GRK3: variants seen among roughly 807,000 people sequenced by gnomAD.
GRK3 encodes the protein G protein-coupled receptor kinase 3.
GRK3 carries 54 observed loss-of-function variants against 95.7 expected under a neutral mutation model. That is an observed-to-expected ratio of 0.56 (90% confidence interval 0.45 to 0.71). The LOEUF (loss-of-function observed/expected upper bound fraction) is 0.71, where lower values mean the gene tolerates loss of function less well. GRK3 is among the 30% of genes least tolerant of loss of function. The pLI is 0.00. For missense variants in GRK3, 649 were observed against 851.2 expected (o/e 0.76, Z 2.96); for synonymous variants, 281 against 290.8 (o/e 0.97, Z 0.34).
rs573117585 is a variant in GRK3, at chr22:25,728,864, C to T, written c.*6414C>T. 10 of 152,264 alleles carry T rather than the reference C, an allele frequency of 6.6e-5. No homozygotes were observed. The South Asian group carries it at 1.5e-3, about 22-fold the overall frequency. The allele number at this position is 152,264 out of a possible 1,614,324, so 9.4% of individuals were successfully genotyped here. A position where few individuals can be genotyped will look rare whatever the true frequency, so the allele number is the denominator to read the frequency against. ...ATGAAGTCCTGTCTCTGTGAGAGAA[C>T]GTGCCTCCTCACTCATTTGTCTCTG... On this transcript the variant is annotated 3_prime_UTR_variant, in exon 21 of 21. Transcript: ENST00000324198.
chr22:25,571,204 G>A (rs938599638), intron 1 of GRK3, among the ~76,000 whole-genome samples: 1 of 152,130 alleles, frequency 6.6e-6, no homozygotes, highest in Non-Finnish European at 1.5e-5. Flanking sequence ...TCGTTTTCCT[G>A]TGCCATCCCT....
chr22:25,654,430 A>T (rs1303056378), intron 3 of GRK3, among the ~76,000 whole-genome samples: 2 of 152,192 alleles, frequency 1.3e-5, no homozygotes, highest in Non-Finnish European at 2.9e-5. Context: ...CATACACATG[A>T]AAACTTAGAA....
intron 2 of GRK3, among the ~76,000 whole-genome samples, chr22:25,610,452 A>T (rs2084488059): frequency 6.6e-6 from 1 of 152,202 alleles, no homozygotes; most frequent in African/African-American, 2.4e-5. Context: ...GGGCAAAAGA[A>T]CGAGACTCTG....
At position 25,565,127 on chromosome 22, in the gene GRK3, C is replaced by T; in HGVS notation, c.87C>T (p.Ser29=). The part of the protein sequence containing the change: ...KSKATPAARA[S]KRIVLPEPSI... The stretch of plus-strand genomic sequence containing the variant: ...AGGCGACCCCGGCCGCCCGCGCCAG[C>T]AAGAGGATCGTCCTGCCGGAGCCCA... The change falls in exon 1 of 21, where the codon AGC becomes AGT. Residue 29 remains serine, a synonymous_variant. Transcript: ENST00000324198. The T allele has an allele frequency of 1.3e-6, 2 of 1,548,072 alleles. No individual in the cohort carries two copies. The highest frequency in any genetic ancestry group is 1.7e-6 in the Non-Finnish European group (2 of 1,150,834).
At chr22:25,691,592 C>T (rs745625208) in intron 12 of GRK3, among the ~76,000 whole-genome samples, 23 of 152,206 alleles carry the variant, frequency 1.5e-4, no homozygotes, top group Non-Finnish European at 2.5e-4. Flanking sequence ...GTCGTATAAG[C>T]GTCTCTCAGG....
intron 1 of GRK3, among the ~76,000 whole-genome samples, chr22:25,583,525 C>A (rs890951028): frequency 2.6e-5 from 4 of 152,122 alleles, no homozygotes; most frequent in Non-Finnish European, 5.9e-5. Flanking sequence ...CTGGGGCACC[C>A]TGCAGTCACA....
intron 3 of GRK3, among the ~76,000 whole-genome samples, chr22:25,649,910 T>G (rs2084816249): frequency 6.6e-6 from 1 of 152,180 alleles, no homozygotes; most frequent in South Asian, 2.1e-4. Flanking sequence ...AAGAAATTTT[T>G]CACTTCAGTC....
At chr22:25,638,737 A>G (rs539101810) in intron 2 of GRK3, among the ~76,000 whole-genome samples, 1 of 152,158 alleles carries the variant, frequency 6.6e-6, no homozygotes, top group Non-Finnish European at 1.5e-5. Context: ...ACTCCAGTCA[A>G]CACAAGATCT....
intron 1 of GRK3, among the ~76,000 whole-genome samples, chr22:25,578,419 C>A (rs939438704): frequency 1.3e-5 from 2 of 152,170 alleles, no homozygotes; most frequent in African/African-American, 4.8e-5. Flanking sequence ...CTGATACAAA[C>A]CCCCTGTGGT....
At chr22:25,639,286 T>G (rs2084726084) in intron 2 of GRK3, among the ~76,000 whole-genome samples, 1 of 152,236 alleles carries the variant, frequency 6.6e-6, no homozygotes, top group Non-Finnish European at 1.5e-5. Flanking sequence ...GTGAAGATAT[T>G]CTATATATAT....
At chr22:25,639,264 T>C (rs1358654547) in intron 2 of GRK3, among the ~76,000 whole-genome samples, 1 of 152,232 alleles carries the variant, frequency 6.6e-6, no homozygotes, top group African/African-American at 2.4e-5. Flanking sequence ...ATCTTTTGCA[T>C]AAAGATTTTC....
chr22:25,688,205 C>T (rs150298172), intron 11 of GRK3, among the ~76,000 whole-genome samples: 3 of 141,622 alleles, frequency 2.1e-5, no homozygotes, highest in Non-Finnish European at 4.5e-5. Flanking sequence ...CACTGCACTC[C>T]AGCCTGGACA....
intron 9 of GRK3, among the ~76,000 whole-genome samples, chr22:25,683,656 G>A (rs2085091595): frequency 3.3e-5 from 5 of 152,078 alleles, no homozygotes; most frequent in African/African-American, 1.2e-4. Context: ...CATTAGTTTG[G>A]GGGCTATGTG....
In GRK3 at chr22:25,693,541, C is replaced by T. The variant is rs61139482; in HGVS notation, c.1053-1566C>T. 2.2e-3 allele frequency among the ~76,000 whole-genome samples: 337 copies of T among 152,268 alleles called. 2 individuals carry two copies. The highest frequency in any genetic ancestry group is 7.6e-3 in the African/African-American group (315 of 41,552). Reference sequence around the variant, plus strand: ...ATAGAAATCTCCAACGCTCTCACAGCGTGGCCTGATGACCTTACCCTGTCA... The same window carrying T: ...ATAGAAATCTCCAACGCTCTCACAGTGTGGCCTGATGACCTTACCCTGTCA... On this transcript the variant is annotated intron_variant, in intron 12 of 20. Transcript: ENST00000324198.
intron 2 of GRK3, among the ~76,000 whole-genome samples, chr22:25,620,138 G>A (rs982436202): frequency 6.6e-6 from 1 of 151,688 alleles, no homozygotes; most frequent in African/African-American, 2.4e-5. Context: ...AGAGGGAGGG[G>A]CGCTTCAAAG....
chr22:25,709,851 C>T (rs761934315), intron 15 of GRK3, 47 bp from the exon 16 acceptor site: 17 of 1,389,192 alleles, frequency 1.2e-5, no homozygotes, highest in African/African-American at 4.3e-5. Context: ...ATATTTATTA[C>T]GTTTCCAAAT....
chr22:25,687,685 A>C lies in GRK3; in HGVS notation c.957+18A>C. ...ATTTGAAGGTGAGGACGATTGACAG[A>C]CTCATTCTGCATAGTAGGTATTGTG... On this transcript the variant is annotated intron_variant, in intron 11 of 20. Transcript: ENST00000324198. The C allele has an allele frequency of 6.2e-7, 1 of 1,613,618 alleles. No individual in the cohort carries two copies. The highest frequency in any genetic ancestry group is 8.5e-7 in the Non-Finnish European group (1 of 1,179,784).
intron 1 of GRK3, 82 bp from the exon 2 acceptor site, chr22:25,604,295 A>T: frequency 2.0e-6 from 2 of 993,104 alleles, no homozygotes; most frequent in Non-Finnish European, 3.0e-6. Context: ...TGAAGTCAAG[A>T]CATCCGTATC....
At chr22:25,618,273 G>C (rs2084555073) in intron 2 of GRK3, among the ~76,000 whole-genome samples, 1 of 152,220 alleles carries the variant, frequency 6.6e-6, no homozygotes, top group Non-Finnish European at 1.5e-5. Context: ...GATCGTGTCT[G>C]ATAGGTGCAC....
Sources: allele counts gnomAD v4.1 joint callset (sites outside exome capture counted in the v4.1 genomes callset), GRCh38; gene constraint gnomAD v4.1.1; transcripts MANE v1.5; gene names NCBI Gene and HGNC (gene_info 2026-07-23, HGNC 2026-07-21).